The following C10orf90 variants were observed in gnomAD, a reference collection of about 807,000 sequenced individuals.
The protein encoded by C10orf90 is chromosome 10 open reading frame 90.
A neutral mutation model predicts 62.5 loss-of-function variants in C10orf90; 56 were observed. The observed-to-expected ratio is 0.90, with a 90% CI of 0.72 to 1.12. C10orf90 has a LOEUF of 1.12. C10orf90 is among the 50% of genes most tolerant of loss of function. The pLI is 0.00. For synonymous variants in C10orf90, 386 were observed against 340.4 expected, an observed-to-expected ratio of 1.13 and a Z score of -1.47; for missense variants, 970 against 880.4, an observed-to-expected ratio of 1.10 and a Z score of -1.29.
At chr10:126,575,307 T>C (rs888050253) in intron 2 of C10orf90, among the ~76,000 whole-genome samples, 2 of 151,702 alleles carry the variant, frequency 1.3e-5, no homozygotes, top group Non-Finnish European at 3.0e-5. Flanking sequence ...ATCTAGAAGG[T>C]AATCCCACTT....
At chr10:126,659,065 CT>C (rs1407634817) in intron 1 of C10orf90, among the ~76,000 whole-genome samples, 3 of 152,188 alleles carry the variant, frequency 2.0e-5, no homozygotes, top group African/African-American at 7.2e-5. Flanking sequence ...GCATTGGGAA[CT>C]ACAGAGCTTT....
chr10:126,512,370 GTCTGTGTGTGTGTGTC>G (rs1863173047), intron 3 of C10orf90, among the ~76,000 whole-genome samples: 4 of 66,802 alleles, frequency 6.0e-5, no homozygotes, highest in Admixed American at 1.8e-4. Context: ...GTGTATGTGT[GTCTGTGTGTGTGTGTC>G]TGTGTGTGTG....
At chr10:126,608,547 A>T (rs1845364959) in intron 2 of C10orf90, among the ~76,000 whole-genome samples, 1 of 152,252 alleles carries the variant, frequency 6.6e-6, no homozygotes, top group Non-Finnish European at 1.5e-5. Context: ...AAGGAACAAT[A>T]TCCACAATTA....
At chr10:126,639,861 A>G (rs563445335) in intron 2 of C10orf90, among the ~76,000 whole-genome samples, 1 of 152,312 alleles carries the variant, frequency 6.6e-6, no homozygotes, top group East Asian at 1.9e-4. Context: ...AAACTCATGG[A>G]GGGGGAAACA....
rs754882164 is a variant in C10orf90, at chr10:126,513,840, T to C, written c.405+8A>G. On this transcript the variant is annotated splice_region_variant and intron_variant, in intron 3 of 9. Coordinates refer to ENST00000488181, the MANE Select transcript of C10orf90 (RefSeq NM_001350921.2). ...CTGACTATTCTAGAAGTTAGAAATG[T>C]ATGTTACCTTGGTGAAGTCAGATTT... The C allele has an allele frequency of 6.4e-7, 1 of 1,570,450 alleles. No homozygotes were observed. The highest frequency in any genetic ancestry group is 8.8e-7 in the Non-Finnish European group (1 of 1,141,216).
rs1230985745 is a variant in C10orf90, at chr10:126,617,951, T to C, written c.313+28614A>G. On this transcript the variant is annotated intron_variant, in intron 2 of 9. Transcript: ENST00000488181. ...ATGCCAATTTTTATCGGGAGCTGGC[T>C]GTGGGCCATGGCTGATGCTTAATAT... 2.0e-5 allele frequency among the ~76,000 whole-genome samples: 3 copies of C among 152,208 alleles called. No homozygotes were observed. In the South Asian group the frequency reaches 6.2e-4, roughly 31 times the overall value.
At chr10:126,658,373 G>A (rs968083707) in intron 1 of C10orf90, among the ~76,000 whole-genome samples, 2 of 152,244 alleles carry the variant, frequency 1.3e-5, no homozygotes, top group Non-Finnish European at 2.9e-5. Flanking sequence ...TCATCAGCAG[G>A]CCAAAGGGCA....
rs796709919 is a variant in C10orf90, at chr10:126,621,743, T to C, written c.313+24822A>G. Among the ~76,000 whole-genome samples the C allele has an allele frequency of 1.1e-4, 16 of 152,378 alleles. 1 individual carries two copies. The highest frequency in any genetic ancestry group is 3.6e-4 in the African/African-American group (15 of 41,598). ...TTTTCTGAGGCCGTTCCACTCATTC[T>C]TGATATTAATAAAAATTCCTCTGTA... is the stretch of plus-strand genomic sequence containing the variant. On this transcript the variant is annotated intron_variant, in intron 2 of 9. Coordinates refer to ENST00000488181, the MANE Select transcript of C10orf90 (RefSeq NM_001350921.2).
rs752278964 is a variant in C10orf90 at position 126,447,259 on chromosome 10, A to G, written c.2188+11781T>C. 6.0e-4 allele frequency among the ~76,000 whole-genome samples: 92 copies of G among 152,080 alleles called. 1 individual carries two copies. Among genetic ancestry groups the G allele is most frequent in the Middle Eastern group, 3.2e-3 (1 of 316 alleles). ...GTAGCTCAATGGGTTAAAAAAAAAA[A>G]AGACCTAATAATAATATGCTTCCTA... On this transcript the variant is annotated intron_variant, in intron 7 of 9. Transcript: ENST00000488181.
At chr10:126,549,920 G>A (rs1211806078) in intron 2 of C10orf90, among the ~76,000 whole-genome samples, 4 of 150,894 alleles carry the variant, frequency 2.7e-5, no homozygotes, top group Non-Finnish European at 5.9e-5. Flanking sequence ...ATCCCAGAAG[G>A]ATACATGCTA....
At chr10:126,446,379 A>G (rs1590914999) in intron 7 of C10orf90, among the ~76,000 whole-genome samples, 1 of 152,134 alleles carries the variant, frequency 6.6e-6, no homozygotes, top group Admixed American at 6.5e-5. Context: ...TCTTAAAAGC[A>G]GCAAAAGAAA....
intron 8 of C10orf90, 77 bp from the exon 9 acceptor site, chr10:126,426,167 C>G (rs529187450): frequency 8.6e-7 from 1 of 1,159,080 alleles, no homozygotes; most frequent in Non-Finnish European, 1.3e-6. Flanking sequence ...CCTGTCTTGA[C>G]GGCAGGCTCT....
intron 2 of C10orf90, among the ~76,000 whole-genome samples, chr10:126,613,085 G>A (rs182182230): frequency 7.2e-5 from 11 of 152,190 alleles, no homozygotes; most frequent in African/African-American, 2.2e-4. Context: ...TACCTTGAAA[G>A]GGAGGCAAAT....
At chr10:126,559,997 T>C (rs1864864859) in intron 2 of C10orf90, among the ~76,000 whole-genome samples, 1 of 152,204 alleles carries the variant, frequency 6.6e-6, no homozygotes, top group South Asian at 2.1e-4. Flanking sequence ...CCGTTTCAAG[T>C]TCTAGGCCTC....
Position 126,505,847 on chromosome 10 carries a change from G to A in C10orf90, c.406-762C>T, listed in dbSNP as rs374612015. ...CACATGCCTGTAATCCCAGCTACTCGGGAGGCTGAGGCAGGAGAATCGCTT... is the reference window on the plus strand; with the variant it reads ...CACATGCCTGTAATCCCAGCTACTCAGGAGGCTGAGGCAGGAGAATCGCTT... On this transcript the variant is annotated intron_variant, in intron 3 of 9. Coordinates refer to ENST00000488181, the MANE Select transcript of C10orf90 (RefSeq NM_001350921.2). Among the ~76,000 whole-genome samples the A allele has an allele frequency of 5.3e-5, 8 of 152,122 alleles. No homozygotes were observed. In the South Asian group the frequency reaches 1.0e-3, roughly 20 times the overall value.
intron 1 of C10orf90, among the ~76,000 whole-genome samples, chr10:126,649,076 C>A (rs535552330): frequency 1.2e-4 from 5 of 41,972 alleles, no homozygotes; most frequent in Admixed American, 2.9e-4. Context: ...CTCTCTCCCC[C>A]CCCCCCAGCA....
Position 126,549,744 on chromosome 10 carries a change from C to CAAA in C10orf90, c.314-35808_314-35806dup, listed in dbSNP as rs35430859. ...TTTATAACATCTTTATTCATAATAG[C>CAAA]AAAAAAAAAAAAAAAAATTTAAGAA... On this transcript the variant is annotated intron_variant, in intron 2 of 9. Transcript: ENST00000488181. Among the ~76,000 whole-genome samples the CAAA allele has an allele frequency of 9.0e-4, 130 of 143,738 alleles. 1 individual carries two copies. Among genetic ancestry groups the CAAA allele is most frequent in the South Asian group, 6.9e-3 (31 of 4,512 alleles). The allele number at this position is 143,738 out of a possible 152,430, so 94.3% of individuals were successfully genotyped here.
At chr10:126,627,338 A>C (rs1384804243) in intron 2 of C10orf90, among the ~76,000 whole-genome samples, 1 of 152,098 alleles carries the variant, frequency 6.6e-6, no homozygotes, top group Non-Finnish European at 1.5e-5. Context: ...GGTTATTTTC[A>C]TTTCTAAGAA....
chr10:126,665,043 G>T (rs750553056), intron 1 of C10orf90, among the ~76,000 whole-genome samples: 1 of 152,154 alleles, frequency 6.6e-6, no homozygotes, highest in African/African-American at 2.4e-5. Flanking sequence ...GCTTCTAGGA[G>T]GAGCCCCAGC....
Sources: allele counts gnomAD v4.1 joint callset (sites outside exome capture counted in the v4.1 genomes callset), GRCh38; gene constraint gnomAD v4.1.1; transcripts MANE v1.5; gene names NCBI Gene and HGNC (gene_info 2026-07-23, HGNC 2026-07-21).